RABGAP1L: variants seen among roughly 807,000 people sequenced by gnomAD.
RABGAP1L encodes the protein RAB GTPase activating protein 1 like.
RABGAP1L carries 63 observed loss-of-function variants against 137.7 expected under a neutral mutation model. The ratio of observed to expected loss-of-function variants is 0.46; its 90% CI spans 0.37 to 0.56. RABGAP1L has a LOEUF of 0.56. Ranked by LOEUF, RABGAP1L falls within the 20% of genes least tolerant of loss-of-function variation. The probability of loss-of-function intolerance (pLI) is 0.00; values close to 1 mark genes in which losing one functional copy is unlikely to be tolerated. For synonymous variants in RABGAP1L, 431 were observed against 433.7 expected (o/e 0.99, Z 0.08); for missense variants, 1,095 against 1,244.0 (o/e 0.88, Z 1.80).
At chr1:174,781,618 G>A (rs1020113269) in intron 18 of RABGAP1L, among the ~76,000 whole-genome samples, 2 of 152,168 alleles carry the variant, frequency 1.3e-5, no homozygotes, top group African/African-American at 4.8e-5. Context: ...TGCTTTTGGT[G>A]TTTTAGACAT....
intron 7 of RABGAP1L, among the ~76,000 whole-genome samples, chr1:174,254,812 C>T (rs190228335): frequency 6.6e-6 from 1 of 152,240 alleles, no homozygotes; most frequent in Non-Finnish European, 1.5e-5. Context: ...GTACATGGGT[C>T]TTTATAGTAG....
At chr1:174,692,943 G>A (rs138939332) in intron 15 of RABGAP1L, among the ~76,000 whole-genome samples, 80 of 152,166 alleles carry the variant, frequency 5.3e-4, no homozygotes, top group African/African-American at 1.8e-3. Flanking sequence ...ATCACCCAGC[G>A]AGTAATTAAA....
intron 17 of RABGAP1L, among the ~76,000 whole-genome samples, chr1:174,751,230 T>C (rs1573027283): frequency 6.6e-6 from 1 of 152,238 alleles, no homozygotes; most frequent in East Asian, 1.9e-4. Flanking sequence ...CATTATGTTA[T>C]ATTTCTGGTA....
At chr1:174,708,326 T>A (rs1450619208) in intron 17 of RABGAP1L, among the ~76,000 whole-genome samples, 1 of 152,118 alleles carries the variant, frequency 6.6e-6, no homozygotes, top group Non-Finnish European at 1.5e-5. Flanking sequence ...ACAAGCAAGA[T>A]TAAGACTCTG....
intron 13 of RABGAP1L, among the ~76,000 whole-genome samples, chr1:174,626,446 C>T (rs901445237): frequency 2.6e-5 from 4 of 152,234 alleles, no homozygotes; most frequent in Admixed American, 6.5e-5. Context: ...CTCCTCTCTA[C>T]ACGCCTCCCT....
At chr1:174,436,093 T>G (rs1299180748) in intron 13 of RABGAP1L, among the ~76,000 whole-genome samples, 3 of 152,162 alleles carry the variant, frequency 2.0e-5, no homozygotes, top group African/African-American at 4.8e-5. Context: ...CTTTGCTATT[T>G]TGAATAGTGC....
chr1:174,420,675 T>C (rs1651155969), intron 13 of RABGAP1L, among the ~76,000 whole-genome samples: 2 of 128,882 alleles, frequency 1.6e-5, no homozygotes, highest in Admixed American at 7.3e-5. Flanking sequence ...TCTGGGTGTT[T>C]TGTTTTTTTT....
chr1:174,878,390 C>T (rs1653509745), intron 19 of RABGAP1L, among the ~76,000 whole-genome samples: 1 of 152,072 alleles, frequency 6.6e-6, no homozygotes, highest in South Asian at 2.1e-4. Context: ...CCATGCCTGG[C>T]TAATTTTGTA....
At chr1:174,638,198 A>G (rs1055230279) in intron 14 of RABGAP1L, among the ~76,000 whole-genome samples, 1 of 152,218 alleles carries the variant, frequency 6.6e-6, no homozygotes, top group Non-Finnish European at 1.5e-5. Context: ...TTTGGTAATA[A>G]TATGGAGAAA....
chr1:174,238,582 G>A (rs368240160), intron 4 of RABGAP1L, among the ~76,000 whole-genome samples: 2 of 151,214 alleles, frequency 1.3e-5, no homozygotes, highest in Non-Finnish European at 1.5e-5. Flanking sequence ...GGCTGCTCGG[G>A]GGTCAGGGGT....
At chr1:174,280,047 T>TA (rs1558094624) in intron 10 of RABGAP1L, among the ~76,000 whole-genome samples, 881 of 87,240 alleles carry the variant, frequency 0.01, 14 homozygotes, top group African/African-American at 0.039. Context: ...TCTGTCTGCC[T>TA]GGAGAGAGAG....
At chr1:174,612,595 C>G (rs1263222211) in intron 13 of RABGAP1L, among the ~76,000 whole-genome samples, 1 of 152,054 alleles carries the variant, frequency 6.6e-6, no homozygotes, top group African/African-American at 2.4e-5. Flanking sequence ...AGGATTCCCT[C>G]TTTTTCTATT....
chr1:174,610,085 A>G (rs950947052), intron 13 of RABGAP1L, among the ~76,000 whole-genome samples: 52 of 149,400 alleles, frequency 3.5e-4, no homozygotes, highest in African/African-American at 1.2e-3. Context: ...TTTAAGTTTT[A>G]GGGTACATGT....
chr1:174,643,147 T>A (rs1459561432), intron 14 of RABGAP1L, among the ~76,000 whole-genome samples: 3 of 152,112 alleles, frequency 2.0e-5, no homozygotes, highest in Non-Finnish European at 2.9e-5. Context: ...GTGGAACTCC[T>A]TCCACTCATA....
chr1:174,711,939 C>T (rs1270629470), intron 17 of RABGAP1L, among the ~76,000 whole-genome samples: 1 of 152,200 alleles, frequency 6.6e-6, no homozygotes, highest in East Asian at 1.9e-4. Flanking sequence ...AGCACTGTGT[C>T]TAGCTCAAGG....
At chr1:174,787,485 G>A (rs10798324) in intron 18 of RABGAP1L, among the ~76,000 whole-genome samples, 94,526 of 151,456 alleles carry the variant, frequency 0.62, 32,824 homozygotes, top group East Asian at 0.93. Flanking sequence ...GATGTTTTAG[G>A]CAACAAGAAC....
chr1:174,633,268 G>C (rs28768137), intron 13 of RABGAP1L, among the ~76,000 whole-genome samples: 18,914 of 143,550 alleles, frequency 0.13, 4,400 homozygotes, highest in African/African-American at 0.48. Context: ...AATCATGAGT[G>C]AACTCCCATT....
intron 13 of RABGAP1L, among the ~76,000 whole-genome samples, chr1:174,453,830 T>A (rs1316596556): frequency 4.6e-5 from 7 of 152,330 alleles, no homozygotes; most frequent in African/African-American, 1.4e-4. Flanking sequence ...TTCATAACTT[T>A]TTTCAATAGT....
intron 11 of RABGAP1L, among the ~76,000 whole-genome samples, chr1:174,350,808 A>C (rs1683093664): frequency 1.4e-5 from 1 of 73,002 alleles, no homozygotes; most frequent in Non-Finnish European, 2.7e-5. Flanking sequence ...ACCATTGAGC[A>C]CTGAGTGAAC....
Sources: allele counts gnomAD v4.1 joint callset (sites outside exome capture counted in the v4.1 genomes callset), GRCh38; gene constraint gnomAD v4.1.1; transcripts MANE v1.5; gene names NCBI Gene and HGNC (gene_info 2026-07-23, HGNC 2026-07-21).